The following SYNPR variants were observed in gnomAD, a reference collection of about 807,000 sequenced individuals.
The protein encoded by SYNPR is synaptoporin.
SYNPR carries 23 observed loss-of-function variants against 32.9 expected under a neutral mutation model. The observed-to-expected ratio is 0.70, with a 90% confidence interval of 0.50 to 0.99. The LOEUF (loss-of-function observed/expected upper bound fraction) is 0.99. Among genes scored for constraint, SYNPR ranks in the 50% least tolerant of loss-of-function variants. The pLI is 0.00. For missense variants in SYNPR, 318 were observed against 349.3 expected, an observed-to-expected ratio of 0.91 and a Z score of 0.71; for synonymous variants, 146 against 135.9, an observed-to-expected ratio of 1.07 and a Z score of -0.52.
intron 3 of SYNPR, among the ~76,000 whole-genome samples, chr3:63,527,313 T>C (rs960816950): frequency 1.3e-5 from 2 of 152,126 alleles, no homozygotes; most frequent in Non-Finnish European, 2.9e-5. Flanking sequence ...CATGTCCTCA[T>C]GGAGAGGAGA....
chr3:63,589,526 C>A (rs1703267585), intron 4 of SYNPR, among the ~76,000 whole-genome samples: 1 of 151,570 alleles, frequency 6.6e-6, no homozygotes. Flanking sequence ...AGACCAATAT[C>A]CTTGATGAAC....
chr3:63,392,431 A>T (rs537230894), intron 2 of SYNPR, among the ~76,000 whole-genome samples: 1 of 152,324 alleles, frequency 6.6e-6, no homozygotes, highest in South Asian at 2.1e-4. Flanking sequence ...AATCCTTGAC[A>T]GCTAGTGTGT....
At chr3:63,331,345 A>T (rs2087227960) in intron 2 of SYNPR, among the ~76,000 whole-genome samples, 1 of 152,226 alleles carries the variant, frequency 6.6e-6, no homozygotes, top group Admixed American at 6.5e-5. Context: ...AATGCCTTTT[A>T]GATAATAAAG....
Position 63,257,969 on chromosome 3 carries a change from G to A in SYNPR, n.154+5383G>A, listed in dbSNP as rs61684350. 2.3e-3 allele frequency among the ~76,000 whole-genome samples: 344 copies of A among 152,126 alleles called. 1 individual carries two copies. Among genetic ancestry groups the A allele is most frequent in the African/African-American group, 7.5e-3 (310 of 41,530 alleles). On this transcript the variant is annotated intron_variant and non_coding_transcript_variant, in intron 2 of 4. Coordinates refer to the SYNPR transcript ENST00000478456. Reference sequence around the variant, plus strand: ...TAAACCAACAAAGATCAAAAGAGACGAAGAAGGCCATTACATAATGGTAAA... The same window carrying A: ...TAAACCAACAAAGATCAAAAGAGACAAAGAAGGCCATTACATAATGGTAAA...
chr3:63,562,089 C>T (rs900281134), intron 4 of SYNPR, among the ~76,000 whole-genome samples: 79 of 152,136 alleles, frequency 5.2e-4, no homozygotes, highest in African/African-American at 1.7e-3. Flanking sequence ...CAGAAATGTC[C>T]GTGTGAATGG....
intron 1 of SYNPR, among the ~76,000 whole-genome samples, chr3:63,242,746 A>C (rs2086257822): frequency 6.6e-6 from 1 of 152,118 alleles, no homozygotes; most frequent in Non-Finnish European, 1.5e-5. Flanking sequence ...TGCTGCAACC[A>C]AAAGGAAGAA....
At chr3:63,514,479 T>A (rs1054861076) in intron 3 of SYNPR, among the ~76,000 whole-genome samples, 1 of 152,184 alleles carries the variant, frequency 6.6e-6, no homozygotes, top group Non-Finnish European at 1.5e-5. Flanking sequence ...CTTCAGCAGT[T>A]GGCTCCCACC....
intron 3 of SYNPR, among the ~76,000 whole-genome samples, chr3:63,267,801 C>T (rs17068006): frequency 0.013 from 1,991 of 152,064 alleles, 39 homozygotes; most frequent in African/African-American, 0.045. Context: ...TTTAAATGAC[C>T]GTACACCTTT....
At chr3:63,538,287 A>AT (rs1702242728) in intron 3 of SYNPR, among the ~76,000 whole-genome samples, 1 of 152,028 alleles carries the variant, frequency 6.6e-6, no homozygotes, top group African/African-American at 2.4e-5. Flanking sequence ...AGCAGAAGAG[A>AT]TATGTGGGAA....
chr3:63,285,281 T>C (rs1007967547), intron 2 of SYNPR, among the ~76,000 whole-genome samples: 14 of 152,236 alleles, frequency 9.2e-5, no homozygotes, highest in African/African-American at 3.4e-4. Flanking sequence ...TTGATTCCAA[T>C]TAAAAACCAG....
chr3:63,257,656 T>A (rs1451467875), intron 2 of SYNPR, among the ~76,000 whole-genome samples: 1 of 152,142 alleles, frequency 6.6e-6, no homozygotes, highest in African/African-American at 2.4e-5. Flanking sequence ...AGAAACTGCA[T>A]CAACTAATGA....
intron 2 of SYNPR, among the ~76,000 whole-genome samples, chr3:63,475,100 T>C (rs1431679572): frequency 1.3e-5 from 2 of 152,068 alleles, no homozygotes; most frequent in Non-Finnish European, 2.9e-5. Context: ...CTGCTATGGG[T>C]GATTTTGGTT....
intron 3 of SYNPR, among the ~76,000 whole-genome samples, chr3:63,487,502 C>T (rs895375308): frequency 1.3e-5 from 2 of 152,026 alleles, no homozygotes; most frequent in African/African-American, 2.4e-5. Context: ...AACTAGAGTG[C>T]TAGAAAAGAT....
In SYNPR at chr3:63,409,080, T is replaced by C. The variant is rs185930784; in HGVS notation, c.85-71752T>C. Among the ~76,000 whole-genome samples the C allele has an allele frequency of 2.0e-5, 3 of 152,226 alleles. No individual in the cohort carries two copies. In the East Asian group the frequency reaches 5.8e-4, roughly 29 times the overall value. On this transcript the variant is annotated intron_variant, in intron 2 of 5. Coordinates refer to ENST00000478300, the MANE Select transcript of SYNPR (RefSeq NM_001130003.2). ...CCTAAAGATCAATCCATCTGCAGCT[T>C]TCTTTCTTCTTGTTCCAATGTTATC...
intron 2 of SYNPR, among the ~76,000 whole-genome samples, chr3:63,358,225 T>G (rs1160902267): frequency 6.6e-6 from 1 of 152,222 alleles, no homozygotes; most frequent in Admixed American, 6.5e-5. Flanking sequence ...CACAAATTAA[T>G]TATTTTACAG....
At chr3:63,224,887 T>G (rs936587721), upstream of SYNPR, among the ~76,000 whole-genome samples, 1 of 152,172 alleles carries the variant, frequency 6.6e-6, no homozygotes. Context: ...CTGGACGACA[T>G]AGCATATTCC....
intron 2 of SYNPR, among the ~76,000 whole-genome samples, chr3:63,284,552 G>A (rs997846476): frequency 4.6e-5 from 7 of 152,056 alleles, no homozygotes; most frequent in Non-Finnish European, 1.0e-4. Flanking sequence ...TAACCAAGGC[G>A]GCCAGTGAAT....
chr3:63,537,169 T>C (rs960154932), intron 3 of SYNPR, among the ~76,000 whole-genome samples: 2 of 152,102 alleles, frequency 1.3e-5, no homozygotes, highest in Non-Finnish European at 2.9e-5. Context: ...TTAGGGTCAG[T>C]CGTCCTTTCT....
At chr3:63,514,476 A>T (rs757577506) in intron 3 of SYNPR, among the ~76,000 whole-genome samples, 8 of 152,180 alleles carry the variant, frequency 5.3e-5, no homozygotes, top group African/African-American at 1.4e-4. Context: ...GCTCTTCAGC[A>T]GTTGGCTCCC....
Sources: allele counts gnomAD v4.1 joint callset (sites outside exome capture counted in the v4.1 genomes callset), GRCh38; gene constraint gnomAD v4.1.1; transcripts MANE v1.5; gene names NCBI Gene and HGNC (gene_info 2026-07-23, HGNC 2026-07-21).